SNRNP70: variants seen among roughly 807,000 people sequenced by gnomAD.
SNRNP70 encodes small nuclear ribonucleoprotein U1 subunit 70, also known as U1 small nuclear ribonucleoprotein 70 kDa.
In SNRNP70, 8 loss-of-function variants were observed where a neutral mutation model predicts 50.5. That is an observed-to-expected ratio of 0.16 (90% CI 0.09 to 0.29). The LOEUF (loss-of-function observed/expected upper bound fraction) is 0.29, where lower values mean the gene tolerates loss of function less well. SNRNP70 is among the 10% of genes least tolerant of loss of function. The pLI, the probability that SNRNP70 is intolerant of heterozygous loss-of-function variation, is 1.00. For missense variants in SNRNP70, 529 were observed against 663.5 expected, an observed-to-expected ratio of 0.80 and a Z score of 2.23; for synonymous variants, 320 against 252.9, an observed-to-expected ratio of 1.27 and a Z score of -2.52.
intron 4 of SNRNP70, 116 bp from the exon 5 acceptor site, chr19:49,098,311 G>GT: frequency 1.2e-6 from 1 of 828,116 alleles, no homozygotes; most frequent in Non-Finnish European, 2.0e-6. Flanking sequence ...TGTTCCTCCA[G>GT]TTAGGGGCCT....
At chr19:49,086,990 A>G (rs1221523693) in intron 2 of SNRNP70, among the ~76,000 whole-genome samples, 1 of 152,036 alleles carries the variant, frequency 6.6e-6, no homozygotes, top group East Asian at 1.9e-4. Context: ...GTTGAAGACC[A>G]GCCTGGCCAA....
rs991982256 is a variant in SNRNP70, at chr19:49,093,851, CA to C, written c.265+3336del. Among the ~76,000 whole-genome samples, 7 of 150,764 alleles carry C rather than the reference CA, an allele frequency of 4.6e-5. No homozygotes were observed. In the South Asian group the frequency reaches 1.3e-3, roughly 27 times the overall value. Reference sequence around the variant, plus strand: ...TCTACTAAAAATACCAAAACAAAAACAAAAACAAAAACAAAACAAAACCTAG... The same window carrying C: ...TCTACTAAAAATACCAAAACAAAAACAAAACAAAAACAAAACAAAACCTAG... On this transcript the variant is annotated intron_variant, in intron 4 of 9. Coordinates refer to ENST00000598441, the MANE Select transcript of SNRNP70 (RefSeq NM_003089.6).
Position 49,108,527 on chromosome 19 carries a change from T to C in SNRNP70, c.*84T>C. 1.3e-6 allele frequency: 2 copies of C among 1,501,156 alleles called. No homozygotes were observed. The highest frequency in any genetic ancestry group is 1.8e-6 in the Non-Finnish European group (2 of 1,119,964). The allele number at this position is 1,501,156 out of a possible 1,614,324, so 93.0% of individuals were successfully genotyped here. A position where few individuals can be genotyped will look rare whatever the true frequency, so the allele number is the denominator to read the frequency against. On this transcript the variant is annotated 3_prime_UTR_variant, in exon 10 of 10. Transcript: ENST00000598441. ...CATCCCCTCCCCCAACCTTGGCCAC[T>C]TGAGTTTGTCCTCCAAGGGTAGGTG...
Position 49,085,647 on chromosome 19 carries a change from G to A in SNRNP70, c.-11+11G>A, listed in dbSNP as rs1471632288. 4 of 455,832 alleles carry A rather than the reference G, an allele frequency of 8.8e-6. No individual in the cohort carries two copies. The Admixed American group carries it at 9.4e-5, about 11-fold the overall frequency. 28.2% of individuals were successfully genotyped at this position (455,832 alleles called of 1,614,324 possible). A position where few individuals can be genotyped will look rare whatever the true frequency, so the allele number is the denominator to read the frequency against. On this transcript the variant is annotated intron_variant, in intron 1 of 9. Coordinates refer to ENST00000598441, the MANE Select transcript of SNRNP70 (RefSeq NM_003089.6). ...GGAGGGCGCTACGCGGTGAGTGAGT[G>A]TGACTGAGTGGCCCGACGGGGTGCG...
chr19:49,086,373 C>CT, intron 1 of SNRNP70, 32 bp from the exon 2 acceptor site: 1 of 1,595,964 alleles, frequency 6.3e-7, no homozygotes, highest in Non-Finnish European at 8.5e-7. Flanking sequence ...CAGACCCGAT[C>CT]TAACCTAAGG....
At chr19:49,090,643 C>T in intron 4 of SNRNP70, 123 bp downstream of exon 4, 1 of 911,346 alleles carries the variant, frequency 1.1e-6, no homozygotes, top group Non-Finnish European at 1.7e-6. Context: ...GTTGTTAGTT[C>T]ATTTGTTTAG....
chr19:49,106,134 C>T (rs2040665554), intron 8 of SNRNP70, among the ~76,000 whole-genome samples: 1 of 152,180 alleles, frequency 6.6e-6, no homozygotes, highest in Non-Finnish European at 1.5e-5. Context: ...ACCACGCTCT[C>T]AGCTGCTGAG....
At chr19:49,101,511 T>G in intron 7 of SNRNP70, 40 bp downstream of exon 7, 1 of 1,437,748 alleles carries the variant, frequency 7.0e-7, no homozygotes, top group South Asian at 1.1e-5. Flanking sequence ...TGACCTGCTC[T>G]CACTTCTCTG....
chr19:49,090,134 C>T (rs2040429973), intron 2 of SNRNP70, among the ~76,000 whole-genome samples, 157 bp from the exon 3 acceptor site: 1 of 151,404 alleles, frequency 6.6e-6, no homozygotes, highest in East Asian at 1.9e-4. Flanking sequence ...TGATCTGTGC[C>T]ACTCCCCTCC....
At chr19:49,092,014 C>T (rs1392505921) in intron 4 of SNRNP70, among the ~76,000 whole-genome samples, 1 of 152,168 alleles carries the variant, frequency 6.6e-6, no homozygotes, top group Non-Finnish European at 1.5e-5. Flanking sequence ...AAATCTGACC[C>T]TTCTTTTCAT....
intron 4 of SNRNP70, 188 bp downstream of exon 4, chr19:49,090,708 T>C (rs1406618339): frequency 8.0e-6 from 5 of 621,200 alleles, no homozygotes; most frequent in East Asian, 5.6e-5. Flanking sequence ...CAGCAGAACA[T>C]AGGGTAAAAG....
In SNRNP70 at chr19:49,097,129, TA is replaced by T. The variant is rs1002337023; in HGVS notation, c.266-1284del. On this transcript the variant is annotated intron_variant, in intron 4 of 9. Transcript: ENST00000598441. ...CTGGGCAACAGAGCAAGACTCTGTT[TA>T]AAAAAAAAAAAAATCTGAGACTTTA... 5.7e-3 allele frequency among the ~76,000 whole-genome samples: 823 copies of T among 143,450 alleles called. 2 individuals carry two copies. The highest frequency in any genetic ancestry group is 0.015 in the African/African-American group (585 of 39,158). The allele number at this position is 143,450 out of a possible 152,430, so 94.1% of individuals were successfully genotyped here.
chr19:49,090,632 G>C (rs1600273009), intron 4 of SNRNP70, 112 bp downstream of exon 4: 7 of 1,011,190 alleles, frequency 6.9e-6, no homozygotes, highest in Admixed American at 2.1e-5. Flanking sequence ...TGGGGAACAG[G>C]GTTGTTAGTT....
rs2040636664 is a variant in SNRNP70, at chr19:49,104,398, C to T, written c.476-236C>T. On this transcript the variant is annotated intron_variant, in intron 7 of 9. Transcript: ENST00000598441. The surrounding 1 kb of genome is among the most constrained non-coding windows in gnomAD (Gnocchi z 5.4). ...GGGGGTGGCGGGTGAGGGTGGACGT[C>T]TCCCCCGACCAGGAGTGGTTGGGGC... The T allele has an allele frequency of 2.0e-6, 1 of 502,120 alleles. No individual in the cohort carries two copies. Among genetic ancestry groups the T allele is most frequent in the African/African-American group, 2.0e-5 (1 of 50,400 alleles). The allele number at this position is 502,120 out of a possible 1,614,324, so 31.1% of individuals were successfully genotyped here. A position where few individuals can be genotyped will look rare whatever the true frequency, so the allele number is the denominator to read the frequency against.
chr19:49,085,541 G>A lies in SNRNP70; in HGVS notation c.-106G>A, dbSNP rs1274145677. 2.2e-6 allele frequency: 1 copy of A among 455,964 alleles called. No individual in the cohort carries two copies. The highest frequency in any genetic ancestry group is 4.4e-6 in the Non-Finnish European group (1 of 226,742). 28.2% of individuals were successfully genotyped at this position (455,964 alleles called of 1,614,324 possible). ...GAATCAGACGGACGTGGACGCCCCC[G>A]GAGTGGAAGCCGAAGCAGGAGTTGT... On this transcript the variant is annotated 5_prime_UTR_variant, in exon 1 of 10. Coordinates refer to ENST00000598441, the MANE Select transcript of SNRNP70 (RefSeq NM_003089.6).
rs1183670225 is a variant in SNRNP70, at chr19:49,104,532, A to G, written c.476-102A>G. 20 of 872,862 alleles carry G rather than the reference A, an allele frequency of 2.3e-5. No homozygotes were observed. The highest frequency in any genetic ancestry group is 3.7e-5 in the Non-Finnish European group (20 of 538,646). 54.1% of individuals were successfully genotyped at this position (872,862 alleles called of 1,614,324 possible). A position where few individuals can be genotyped will look rare whatever the true frequency, so the allele number is the denominator to read the frequency against. On this transcript the variant is annotated intron_variant, in intron 7 of 9. Transcript: ENST00000598441. The surrounding 1 kb of genome is among the most constrained non-coding windows in gnomAD (Gnocchi z 5.4). ...TCTGTTGGGCGTGTGCGTGTGCGTG[A>G]TGATGGGGACACGGGGCGGGGATTC... is the stretch of plus-strand genomic sequence containing the variant.
chr19:49,107,820 AGGGACCGGGACC>A lies in SNRNP70; in HGVS notation c.699_710del (p.Asp234_Arg237del), dbSNP rs769210698. 3 of 1,595,500 alleles carry A rather than the reference AGGGACCGGGACC, an allele frequency of 1.9e-6. No individual in the cohort carries two copies. The highest frequency in any genetic ancestry group is 1.3e-5 in the African/African-American group (1 of 74,536). ...GCCCGGCCCCTCCCCGCTTCCGCAC[AGGGACCGGGACC>A]GGGACCGTGAGCGGGAGCGCAGAGA... On this transcript the variant is annotated inframe_deletion, in exon 10 of 10. Transcript: ENST00000598441. The surrounding 1 kb of genome is among the most constrained non-coding windows in gnomAD (Gnocchi z 6.0).
rs746166612 is a variant in SNRNP70, at chr19:49,107,046, C to T, written c.578-579C>T. The stretch of plus-strand genomic sequence containing the variant: ...TGTTCGGGCTAGCGTTAAGGGTGAG[C>T]GTGAGTTCACCAGAGAAGGAAGGGG... On this transcript the variant is annotated intron_variant, in intron 8 of 9. Coordinates refer to ENST00000598441, the MANE Select transcript of SNRNP70 (RefSeq NM_003089.6). This position sits in a 1 kb window ranked among gnomAD's most constrained non-coding sequence, Gnocchi z 6.0. Among the ~76,000 whole-genome samples, 4 of 152,062 alleles carry T rather than the reference C, an allele frequency of 2.6e-5. No homozygotes were observed. The highest frequency in any genetic ancestry group is 1.9e-4 in the East Asian group (1 of 5,188).
Position 49,107,811 on chromosome 19 carries a change from C to T in SNRNP70, c.682C>T (p.Leu228Phe), listed in dbSNP as rs781732428. Residue 228 changes from leucine to phenylalanine, a missense_variant, in exon 10 of 10, where the codon CTT becomes TTT. By Grantham distance (22) the Leu-to-Phe change is conservative (BLOSUM62 0). This residue lies in a region of SNRNP70 where 53 missense variants were observed against 78.6 expected (regional missense o/e 0.67). Transcript: ENST00000598441. This position sits in a 1 kb window ranked among gnomAD's most constrained non-coding sequence, Gnocchi z 6.0. Reference protein sequence around the residue: ...RYDERPGPSPLPHRDRDRDRE... With the variant: ...RYDERPGPSPFPHRDRDRDRE... ...CTCATCCAGGCCCGGCCCCTCCCCG[C>T]TTCCGCACAGGGACCGGGACCGGGA... 1 of 1,601,066 alleles carries T rather than the reference C, an allele frequency of 6.2e-7. No individual in the cohort carries two copies. The highest frequency in any genetic ancestry group is 8.5e-7 in the Non-Finnish European group (1 of 1,174,372).
Sources: allele counts gnomAD v4.1 joint callset (sites outside exome capture counted in the v4.1 genomes callset), GRCh38; gene constraint gnomAD v4.1.1; regional missense constraint gnomAD v4.1.1; non-coding constraint Gnocchi (gnomAD v3.1); transcripts MANE v1.5; gene names NCBI Gene and HGNC (gene_info 2026-07-23, HGNC 2026-07-21).